MAST4: variants seen among roughly 807,000 people sequenced by gnomAD.
MAST4 encodes the protein microtubule associated serine/threonine kinase family member 4, also known as microtubule-associated serine/threonine-protein kinase 4.
A neutral mutation model predicts 162.7 loss-of-function variants in MAST4; 89 were observed. The ratio of observed to expected loss-of-function variants is 0.55; its 90% CI spans 0.46 to 0.65. MAST4 has a LOEUF of 0.65. Among genes scored for constraint, MAST4 ranks in the 30% least tolerant of loss-of-function variants. The pLI is 0.00. For missense variants in MAST4, 3,153 were observed against 3,374.0 expected (o/e 0.93, Z 1.62); for synonymous variants, 1,479 against 1,361.1 (o/e 1.09, Z -1.91).
intron 5 of MAST4, among the ~76,000 whole-genome samples, chr5:67,078,808 A>G: frequency 8.1e-6 from 1 of 124,012 alleles, no homozygotes; most frequent in African/African-American, 3.1e-5. Context: ...ATTTATTTAT[A>G]TTTATATTTT....
chr5:66,993,414 G>A (rs1750266369), intron 4 of MAST4, among the ~76,000 whole-genome samples: 1 of 152,210 alleles, frequency 6.6e-6, no homozygotes, highest in Non-Finnish European at 1.5e-5. Flanking sequence ...AGAGCTTTAA[G>A]CATAGTAGGG....
rs149167714 is a variant in MAST4, at chr5:66,912,300, G to A, written c.674+12318G>A. Among the ~76,000 whole-genome samples the A allele has an allele frequency of 2.0e-3, 304 of 152,226 alleles. 2 individuals carry two copies. Among genetic ancestry groups the A allele is most frequent in the African/African-American group, 7.2e-3 (297 of 41,530 alleles). On this transcript the variant is annotated intron_variant, in intron 4 of 28. Transcript: ENST00000403625. ...AAACATTCAAGTTTGCTTTGCATGG[G>A]GCACATGAGTGGGTTTACCAGGGGG...
intron 1 of MAST4, among the ~76,000 whole-genome samples, chr5:66,702,512 A>G (rs1388845659): frequency 1.3e-5 from 2 of 152,116 alleles, no homozygotes; most frequent in African/African-American, 2.4e-5. Context: ...GATATTTTAG[A>G]TAAGTTGGTC....
chr5:66,653,860 G>T (rs1746383092), intron 1 of MAST4, among the ~76,000 whole-genome samples: 1 of 152,184 alleles, frequency 6.6e-6, no homozygotes, highest in Admixed American at 6.5e-5. Context: ...TAGCTAGTGT[G>T]TCTTGTTTCT....
At chr5:66,665,053 ACAGAGTACTATCAGAAGAGG>A (rs1747160400) in intron 1 of MAST4, among the ~76,000 whole-genome samples, 1 of 152,204 alleles carries the variant, frequency 6.6e-6, no homozygotes, top group Admixed American at 6.6e-5. Context: ...GTGGAAAAGA[ACAGAGTACTATCAGAAGAGG>A]CAGTGGGTGA....
intron 3 of MAST4, among the ~76,000 whole-genome samples, chr5:66,797,478 C>G (rs1285806790): frequency 1.3e-5 from 2 of 152,118 alleles, no homozygotes; most frequent in African/African-American, 4.8e-5. Flanking sequence ...CTCTGGGATT[C>G]TGAATCAGTG....
In MAST4 at chr5:67,057,779, AAATG is replaced by A. The variant is rs766953265; in HGVS notation, c.763+3288_763+3291del. On this transcript the variant is annotated intron_variant, in intron 5 of 28. Transcript: ENST00000403625. ...AACTCAAAAGAAATCAAAGTATGAA[AAATG>A]TTTGTGCCCATGACTGATTGCCAGT... is the stretch of plus-strand genomic sequence containing the variant. Among the ~76,000 whole-genome samples, 9 of 152,214 alleles carry A rather than the reference AAATG, an allele frequency of 5.9e-5. No individual in the cohort carries two copies. The East Asian group carries it at 1.4e-3, about 23-fold the overall frequency.
chr5:67,110,283 C>T, intron 11 of MAST4, 84 bp downstream of exon 11: 1 of 971,504 alleles, frequency 1.0e-6, no homozygotes, highest in South Asian at 1.3e-5. Context: ...ATTTGGTTTC[C>T]AGCACCAGAG....
chr5:66,686,604 G>T (rs868107987), intron 1 of MAST4, among the ~76,000 whole-genome samples: 28 of 152,132 alleles, frequency 1.8e-4, no homozygotes, highest in African/African-American at 6.8e-4. Context: ...ACATTTTCTG[G>T]TATCAGGATT....
At chr5:67,095,381 C>T (rs915629353) in intron 6 of MAST4, among the ~76,000 whole-genome samples, 1 of 152,140 alleles carries the variant, frequency 6.6e-6, no homozygotes, top group South Asian at 2.1e-4. Flanking sequence ...TATGGATCAA[C>T]CCATTCCCTT....
At position 66,712,052 on chromosome 5, in the gene MAST4, G is replaced by A. The variant is rs187327624; in HGVS notation, c.364-47657G>A. Among the ~76,000 whole-genome samples the A allele has an allele frequency of 2.7e-3, 409 of 152,272 alleles. 8 individuals are homozygous for A. Among genetic ancestry groups the A allele is most frequent in the Non-Finnish European group, 4.7e-4 (32 of 68,022 alleles). ...TGTGTGAAGATACTATCATTTATCC[G>A]TTCTACTGTTGATGGACTTTTTGTG... On this transcript the variant is annotated intron_variant, in intron 1 of 28. Coordinates refer to ENST00000403625, the MANE Select transcript of MAST4 (RefSeq NM_001164664.2).
intron 24 of MAST4, among the ~76,000 whole-genome samples, chr5:67,151,163 G>A (rs564614020): frequency 6.6e-6 from 1 of 152,282 alleles, no homozygotes; most frequent in East Asian, 1.9e-4. Flanking sequence ...GATGAAACAA[G>A]GATATGAACT....
chr5:66,667,347 A>G lies in MAST4; in HGVS notation c.363+70329A>G, dbSNP rs1301032909. On this transcript the variant is annotated intron_variant, in intron 1 of 28. Coordinates refer to ENST00000403625, the MANE Select transcript of MAST4 (RefSeq NM_001164664.2). ...CTAGCTAATTACTCCATTTAGAAAT[A>G]GTAGGTTATACTTAATACACTACTG... Among the ~76,000 whole-genome samples the G allele has an allele frequency of 2.6e-5, 4 of 152,226 alleles. No homozygotes were observed. The East Asian group carries it at 7.7e-4, about 29-fold the overall frequency.
At chr5:67,138,824 T>A (rs1356162969) in intron 19 of MAST4, among the ~76,000 whole-genome samples, 1 of 152,170 alleles carries the variant, frequency 6.6e-6, no homozygotes. Flanking sequence ...AATTTCAGAT[T>A]TTGGAGCATT....
At position 66,837,894 on chromosome 5, in the gene MAST4, A is replaced by ATTT. The variant is rs754095073; in HGVS notation, c.642+49121_642+49123dup. On this transcript the variant is annotated intron_variant, in intron 3 of 28. Transcript: ENST00000403625. Reference sequence around the variant, plus strand: ...TATATATATATATATATATATATATATTTTTTTTTTTTTTTTTTTTTTTAA... The same window carrying ATTT: ...TATATATATATATATATATATATATATTTTTTTTTTTTTTTTTTTTTTTTTTAA... 2.0e-4 allele frequency among the ~76,000 whole-genome samples: 11 copies of ATTT among 53,698 alleles called. No homozygotes were observed. In the East Asian group the frequency reaches 2.4e-3, roughly 12 times the overall value. The allele number at this position is 53,698 out of a possible 152,430, so 35.2% of individuals were successfully genotyped here.
At chr5:66,831,358 A>G (rs528769707) in intron 3 of MAST4, among the ~76,000 whole-genome samples, 30 of 152,330 alleles carry the variant, frequency 2.0e-4, no homozygotes, top group South Asian at 8.3e-4. Context: ...GAATAGATAC[A>G]TAGTATGTGA....
chr5:66,674,371 G>A (rs750436209), intron 1 of MAST4, among the ~76,000 whole-genome samples: 43 of 152,174 alleles, frequency 2.8e-4, no homozygotes, highest in Non-Finnish European at 1.2e-4. Context: ...AGACCACTTA[G>A]CTATTCAAAG....
At chr5:67,017,741 G>A (rs1753483840) in intron 4 of MAST4, among the ~76,000 whole-genome samples, 1 of 151,474 alleles carries the variant, frequency 6.6e-6, no homozygotes, top group Non-Finnish European at 1.5e-5. Context: ...GTAGCTTACA[G>A]GTGTGCGCCA....
chr5:66,918,449 G>A (rs968588528), intron 4 of MAST4, among the ~76,000 whole-genome samples: 42 of 152,138 alleles, frequency 2.8e-4, no homozygotes, highest in African/African-American at 8.4e-4. Context: ...TAAAGTTTTC[G>A]AGTATTTGAT....
Sources: allele counts gnomAD v4.1 joint callset (sites outside exome capture counted in the v4.1 genomes callset), GRCh38; gene constraint gnomAD v4.1.1; transcripts MANE v1.5; gene names NCBI Gene and HGNC (gene_info 2026-07-23, HGNC 2026-07-21).